IL1RAPL2: variants seen among roughly 807,000 people sequenced by gnomAD.
IL1RAPL2 encodes interleukin 1 receptor accessory protein like 2.
In IL1RAPL2, 3 loss-of-function variants were observed where a neutral mutation model predicts 44.1. That is an observed-to-expected ratio of 0.07 (90% CI 0.03 to 0.18). The LOEUF is 0.18. Among genes scored for constraint, IL1RAPL2 ranks in the 10% least tolerant of loss-of-function variants. The pLI, the probability that IL1RAPL2 is intolerant of heterozygous loss-of-function variation, is 1.00. For missense variants in IL1RAPL2, 391 were observed against 496.4 expected (o/e 0.79, Z 2.02); for synonymous variants, 181 against 178.8 (o/e 1.01, Z -0.10).
chrX:104,664,255 G>A, intron 2 of IL1RAPL2, among the ~76,000 whole-genome samples: 1 of 111,618 alleles, frequency 9.0e-6, no homozygotes. Context: ...TCCAGGGCAT[G>A]TTCAGTCCAG....
intron 2 of IL1RAPL2, among the ~76,000 whole-genome samples, chrX:105,146,015 A>G (rs1270242591): frequency 9.0e-6 from 1 of 111,362 alleles, no homozygotes; most frequent in Non-Finnish European, 1.9e-5. Context: ...CTTCTGTTAC[A>G]TGAAGACACA....
At chrX:104,659,245 C>T (rs1427153433) in intron 2 of IL1RAPL2, among the ~76,000 whole-genome samples, 1 of 111,744 alleles carries the variant, frequency 8.9e-6, no homozygotes, top group Non-Finnish European at 1.9e-5. Flanking sequence ...TAAGGGCCTA[C>T]TTAGAGTTGG....
chrX:105,743,373 T>C (rs1019181057), intron 8 of IL1RAPL2, among the ~76,000 whole-genome samples: 5 of 111,512 alleles, frequency 4.5e-5, no homozygotes, highest in Non-Finnish European at 9.4e-5. Flanking sequence ...TAGCCTGCTT[T>C]CTGTTTCTCA....
chrX:104,587,633 C>A (rs1840643108), intron 1 of IL1RAPL2, among the ~76,000 whole-genome samples: 1 of 112,325 alleles, frequency 8.9e-6, no homozygotes, highest in Non-Finnish European at 1.9e-5. Flanking sequence ...AGACATACCA[C>A]ACAGGTAATG....
rs1416080882 is a variant in IL1RAPL2, at chrX:105,337,846, G to A, written c.697+70305G>A. On this transcript the variant is annotated intron_variant, in intron 5 of 10. Coordinates refer to ENST00000372582, the MANE Select transcript of IL1RAPL2 (RefSeq NM_017416.2). ...GCAGAGCTTGCAGTGAGCCGAGATCGCGCCACTGCACTCCAGACTGGGAGA... is the reference window on the plus strand; with the variant it reads ...GCAGAGCTTGCAGTGAGCCGAGATCACGCCACTGCACTCCAGACTGGGAGA... Among the ~76,000 whole-genome samples the A allele has an allele frequency of 3.6e-5, 4 of 110,132 alleles. No individual in the cohort carries two copies. In the East Asian group the frequency reaches 8.6e-4, roughly 24 times the overall value.
At chrX:105,748,393 A>C (rs986311708) in intron 8 of IL1RAPL2, among the ~76,000 whole-genome samples, 3 of 112,125 alleles carry the variant, frequency 2.7e-5, no homozygotes, top group Admixed American at 9.5e-5. Flanking sequence ...TATTCAAATA[A>C]GTAGGGGAAA....
chrX:105,102,011 T>G (rs2032677295), intron 2 of IL1RAPL2, among the ~76,000 whole-genome samples: 1 of 111,412 alleles, frequency 9.0e-6, no homozygotes, highest in South Asian at 3.8e-4. Flanking sequence ...AATAGAAAAA[T>G]TAAATATTTT....
At chrX:105,401,937 G>A (rs189877979) in intron 5 of IL1RAPL2, among the ~76,000 whole-genome samples, 1 of 109,303 alleles carries the variant, frequency 9.1e-6, no homozygotes, top group Non-Finnish European at 1.9e-5. Context: ...ACATTTTAAA[G>A]TATCCTGAAG....
At chrX:105,416,513 C>T (rs1284383755) in intron 5 of IL1RAPL2, among the ~76,000 whole-genome samples, 1 of 112,153 alleles carries the variant, frequency 8.9e-6, no homozygotes, top group African/African-American at 3.2e-5. Flanking sequence ...AATGATGGTA[C>T]TTCTTCATAG....
chrX:104,996,020 AAAG>A (rs1346104865), intron 2 of IL1RAPL2, among the ~76,000 whole-genome samples: 2 of 112,120 alleles, frequency 1.8e-5, no homozygotes, highest in Non-Finnish European at 3.8e-5. Flanking sequence ...TAGGATAATA[AAAG>A]AAGGAGGTTA....
intron 2 of IL1RAPL2, among the ~76,000 whole-genome samples, chrX:104,918,767 T>C (rs746985851): frequency 8.9e-6 from 1 of 111,936 alleles, no homozygotes; most frequent in South Asian, 3.7e-4. Flanking sequence ...CTTAGTTGAG[T>C]ATCCTGTTGT....
At chrX:105,291,738 C>T (rs1384817621) in intron 5 of IL1RAPL2, among the ~76,000 whole-genome samples, 2 of 111,023 alleles carry the variant, frequency 1.8e-5, no homozygotes, top group Non-Finnish European at 3.8e-5. Flanking sequence ...AATAGTGATT[C>T]TAAAAGTGTA....
Position 105,488,353 on chromosome X carries a change from C to G in IL1RAPL2, c.772+3966C>G, listed in dbSNP as rs908175286. 4.5e-5 allele frequency among the ~76,000 whole-genome samples: 5 copies of G among 111,832 alleles called. No homozygotes were observed. In the Admixed American group the frequency reaches 4.8e-4, roughly 11 times the overall value. ...TAGAGAGGCACTAGAGGATGAGACA[C>G]AATATGGTGGGAGAGAGAGGTCAAC... On this transcript the variant is annotated intron_variant, in intron 6 of 10. Transcript: ENST00000372582.
intron 2 of IL1RAPL2, among the ~76,000 whole-genome samples, chrX:104,675,643 C>A (rs1930733039): frequency 1.8e-5 from 2 of 110,577 alleles, no homozygotes; most frequent in Non-Finnish European, 3.8e-5. Flanking sequence ...AGTTCAATTC[C>A]TGGGTATCCT....
intron 5 of IL1RAPL2, among the ~76,000 whole-genome samples, chrX:105,424,417 G>C (rs1385759544): frequency 9.0e-6 from 1 of 110,791 alleles, no homozygotes; most frequent in Non-Finnish European, 1.9e-5. Flanking sequence ...ATTTATCTCG[G>C]TGAGCAGAGG....
intron 6 of IL1RAPL2, among the ~76,000 whole-genome samples, chrX:105,569,684 G>A (rs372896162): frequency 2.7e-5 from 3 of 111,925 alleles, no homozygotes; most frequent in East Asian, 5.6e-4. Flanking sequence ...TATACAAGAA[G>A]TAAACCTTTG....
chrX:105,201,955 T>C (rs113507140), intron 3 of IL1RAPL2, among the ~76,000 whole-genome samples: 4,195 of 111,950 alleles, frequency 0.037, 207 homozygotes, highest in African/African-American at 0.13. Context: ...TATTTTTCTA[T>C]CTGTTTTTGG....
chrX:104,679,562 C>T (rs954004298), intron 2 of IL1RAPL2, among the ~76,000 whole-genome samples: 1 of 111,719 alleles, frequency 9.0e-6, no homozygotes, highest in African/African-American at 3.3e-5. Flanking sequence ...TATCTTTGCA[C>T]TTTTATTCCT....
chrX:105,567,404 A>G (rs2036982474), intron 6 of IL1RAPL2, among the ~76,000 whole-genome samples: 1 of 111,979 alleles, frequency 8.9e-6, no homozygotes, highest in Non-Finnish European at 1.9e-5. Flanking sequence ...ATATACAAAC[A>G]GTACACATAT....
Sources: gnomAD v4.1 joint callset for allele counts (sites outside exome capture counted in the v4.1 genomes callset) on GRCh38, gnomAD v4.1.1 for gene constraint, MANE v1.5 for transcripts, NCBI Gene and HGNC (gene_info 2026-07-23, HGNC 2026-07-21) for gene names.